The following TNS1 variants were observed in gnomAD, a reference collection of about 807,000 sequenced individuals.
The protein encoded by TNS1 is tensin 1, also known as tensin-1.
TNS1 carries 62 observed loss-of-function variants against 168.6 expected under a neutral mutation model. The ratio of observed to expected loss-of-function variants is 0.37; its 90% CI spans 0.30 to 0.45. The LOEUF (loss-of-function observed/expected upper bound fraction) is 0.45. Ranked by LOEUF, TNS1 falls within the 20% of genes least tolerant of loss-of-function variation. The pLI, the probability that TNS1 is intolerant of heterozygous loss-of-function variation, is 1.00. For synonymous variants in TNS1, 934 were observed against 933.2 expected (o/e 1.00, Z -0.02); for missense variants, 2,240 against 2,339.4 (o/e 0.96, Z 0.88).
rs1944261629 is a variant in TNS1 at position 217,830,494 on chromosome 2, G to A, written c.3373+961C>T. On this transcript the variant is annotated intron_variant, in intron 22 of 32. Transcript: ENST00000682258. ...TCAGTGGCCCCACATGGCCACCAAG[G>A]GCCCAGGGAGCCCTGTCTCCCTCCA... 8.1e-6 allele frequency: 11 copies of A among 1,358,090 alleles called. No homozygotes were observed. The South Asian group carries it at 1.2e-4, about 15-fold the overall frequency. The allele number at this position is 1,358,090 out of a possible 1,614,324, so 84.1% of individuals were successfully genotyped here. A position where few individuals can be genotyped will look rare whatever the true frequency, so the allele number is the denominator to read the frequency against.
chr2:217,901,186 G>A (rs1316113169), intron 6 of TNS1, among the ~76,000 whole-genome samples: 1 of 152,162 alleles, frequency 6.6e-6, no homozygotes, highest in Non-Finnish European at 1.5e-5. Context: ...GCAGCAGGAT[G>A]GCATGGCGGG....
chr2:217,929,046 A>C (rs1279707046), intron 3 of TNS1, among the ~76,000 whole-genome samples: 1 of 152,196 alleles, frequency 6.6e-6, no homozygotes, highest in East Asian at 1.9e-4. Context: ...CGGAATGTGG[A>C]GTTCTGGGCA....
intron 18 of TNS1, among the ~76,000 whole-genome samples, chr2:217,870,331 A>C (rs1949664272): frequency 6.6e-6 from 1 of 152,218 alleles, no homozygotes; most frequent in Non-Finnish European, 1.5e-5. Flanking sequence ...AGTGCCCACC[A>C]CCTAGCAGGG....
At chr2:217,882,539 T>C (rs1443139272) in intron 16 of TNS1, 128 bp from the exon 17 acceptor site, 4 of 572,476 alleles carry the variant, frequency 7.0e-6, no homozygotes, top group South Asian at 2.4e-5. Context: ...ATAATCAATG[T>C]ATATTTATAC....
chr2:217,851,629 G>C (rs1272583474), intron 18 of TNS1, among the ~76,000 whole-genome samples: 5 of 152,078 alleles, frequency 3.3e-5, no homozygotes, highest in African/African-American at 7.2e-5. Context: ...GCCCAGGGCT[G>C]GTCTGAACTG....
At chr2:217,930,523 C>T (rs2125900860) in intron 3 of TNS1, among the ~76,000 whole-genome samples, 1 of 152,338 alleles carries the variant, frequency 6.6e-6, no homozygotes, top group African/African-American at 2.4e-5. Flanking sequence ...AGGCTGAGGC[C>T]AATGTCCAGG....
rs193120265 is a variant in TNS1 at position 218,030,976 on chromosome 2, G to C, written c.156+2844C>G. 5.0e-3 allele frequency among the ~76,000 whole-genome samples: 747 copies of C among 149,582 alleles called. 3 individuals carry two copies. The highest frequency in any genetic ancestry group is 0.018 in the African/African-American group (702 of 39,324). On this transcript the variant is annotated intron_variant, in intron 1 of 1. Coordinates refer to the TNS1 transcript ENST00000649572. ...ATGTGTGTGAGCATGTGTGTGAACT[G>C]TGTGTATGAGTGTATGTATGAGTGT...
rs771961473 is a variant in TNS1, at chr2:217,848,017, T to C, written c.2500A>G (p.Ile834Val). The C allele has an allele frequency of 5.3e-6, 8 of 1,518,726 alleles. No homozygotes were observed. Among genetic ancestry groups the C allele is most frequent in the South Asian group, 1.3e-5 (1 of 75,534 alleles). The allele number at this position is 1,518,726 out of a possible 1,614,324, so 94.1% of individuals were successfully genotyped here. ...AGCATCAGCATATTGAGTGTTTCGA[T>C]GGACTGTTCAATCTCCTGCTGGGAG... ...AASQQEIEQS[I>V]ETLNMLMLDL... The change falls in exon 19 of 33, where the codon ATC becomes GTC. Residue 834 changes from isoleucine (I) to valine (V), a missense_variant. Ile to Val is a conservative substitution (Grantham distance 29). This residue lies in a region of TNS1 where 2,131 missense variants were observed against 2,171.2 expected (regional missense o/e 0.98). Coordinates refer to ENST00000682258, the MANE Select transcript of TNS1 (RefSeq NM_001387777.1).
At chr2:217,860,687 C>T (rs1323039682) in intron 18 of TNS1, among the ~76,000 whole-genome samples, 1 of 152,184 alleles carries the variant, frequency 6.6e-6, no homozygotes, top group Non-Finnish European at 1.5e-5. Flanking sequence ...TAAAAATAAA[C>T]TTCATTTAAC....
intron 1 of TNS1, among the ~76,000 whole-genome samples, chr2:218,022,016 G>A (rs17600547): frequency 0.39 from 59,112 of 151,906 alleles, 12,540 homozygotes; most frequent in East Asian, 0.66. Flanking sequence ...CTGAAATACC[G>A]GGAGGGCAGA....
At chr2:217,918,883 G>A (rs10208644) in intron 4 of TNS1, among the ~76,000 whole-genome samples, 31,285 of 151,944 alleles carry the variant, frequency 0.21, 6,093 homozygotes, top group African/African-American at 0.51. Context: ...ACTGGGCTCC[G>A]TATGAATAAC....
At chr2:217,891,159 G>T in intron 11 of TNS1, 114 bp from the exon 12 acceptor site, 1 of 942,986 alleles carries the variant, frequency 1.1e-6, no homozygotes, top group Non-Finnish European at 1.7e-6. Context: ...GAGCACCTTT[G>T]TCCTGGAGGG....
chr2:217,857,467 T>C lies in TNS1; in HGVS notation c.1430-8380A>G, dbSNP rs189205238. ...CATTGGAAGGTGGACTCTCCAACTA[T>C]GTCTGTGGACCCAGAACCACAGGAC... On this transcript the variant is annotated intron_variant, in intron 18 of 32. Transcript: ENST00000682258. Among the ~76,000 whole-genome samples, 61 of 152,298 alleles carry C rather than the reference T, an allele frequency of 4.0e-4. No homozygotes were observed. In the East Asian group the frequency reaches 0.011, roughly 27 times the overall value.
intron 16 of TNS1, among the ~76,000 whole-genome samples, chr2:217,883,141 T>C (rs1020884155): frequency 1.3e-5 from 2 of 152,144 alleles, no homozygotes; most frequent in Non-Finnish European, 2.9e-5. Context: ...ACTATTAATA[T>C]GAATAATTTG....
At chr2:217,979,549 A>ACACACACACACACACG (rs1476579659) in intron 2 of TNS1, among the ~76,000 whole-genome samples, 73 of 151,970 alleles carry the variant, frequency 4.8e-4, no homozygotes, top group African/African-American at 1.6e-3. Flanking sequence ...ACACACACAC[A>ACACACACACACACACG]CACAGGACTT....
At chr2:217,885,846 G>A in intron 14 of TNS1, 27 bp from the exon 15 acceptor site, 1 of 1,612,354 alleles carries the variant, frequency 6.2e-7, no homozygotes, top group African/African-American at 1.3e-5. Flanking sequence ...GGCAGAAAAA[G>A]AGTGGGCTGC....
chr2:217,962,209 C>T (rs1186180492), intron 3 of TNS1, among the ~76,000 whole-genome samples: 1 of 152,124 alleles, frequency 6.6e-6, no homozygotes, highest in Non-Finnish European at 1.5e-5. Flanking sequence ...TTTGGGATGC[C>T]GAGGCGGGTG....
intron 8 of TNS1, among the ~76,000 whole-genome samples, chr2:217,895,618 C>T (rs1952211987): frequency 6.6e-6 from 1 of 152,190 alleles, no homozygotes; most frequent in Non-Finnish European, 1.5e-5. Flanking sequence ...CACCAGACTT[C>T]CTCCATCAGA....
At position 218,026,125 on chromosome 2, in the gene TNS1, T is replaced by C. The variant is rs1022620645; in HGVS notation, c.156+7695A>G. On this transcript the variant is annotated intron_variant, in intron 1 of 1. Transcript: ENST00000649572. ...GATAATGACACCACCAGGAATAACA[T>C]CTTGATTAAGAGCTGTCAATATGTC... 2.6e-5 allele frequency among the ~76,000 whole-genome samples: 4 copies of C among 152,184 alleles called. No homozygotes were observed. The East Asian group carries it at 5.8e-4, about 22-fold the overall frequency.
Sources: gnomAD v4.1 joint callset for allele counts (sites outside exome capture counted in the v4.1 genomes callset) on GRCh38, gnomAD v4.1.1 for gene constraint, gnomAD v4.1.1 regional missense constraint, MANE v1.5 for transcripts, NCBI Gene and HGNC (gene_info 2026-07-23, HGNC 2026-07-21) for gene names.